DAAM2: variants seen among roughly 807,000 people sequenced by gnomAD.
The protein encoded by DAAM2 is disheveled-associated activator of morphogenesis 2.
In DAAM2, 39 loss-of-function variants were observed where a neutral mutation model predicts 120.7. The observed-to-expected ratio is 0.32, with a 90% CI of 0.25 to 0.42. The LOEUF is 0.42. DAAM2 is among the 10% of genes least tolerant of loss of function. The pLI is 1.00. For missense variants in DAAM2, 1,283 were observed against 1,401.7 expected (o/e 0.92, Z 1.35); for synonymous variants, 488 against 524.9 (o/e 0.93, Z 0.96).
chr6:39,868,744 G>A (rs1025394294), intron 6 of DAAM2, 79 bp from the exon 7 acceptor site: 34 of 1,030,926 alleles, frequency 3.3e-5, no homozygotes, highest in African/African-American at 6.4e-5. Flanking sequence ...TAGTGGAGGC[G>A]ACAGGAGTAA....
intron 21 of DAAM2, 85 bp downstream of exon 21, chr6:39,897,367 TTGA>T: frequency 2.3e-6 from 2 of 863,884 alleles, no homozygotes; most frequent in Admixed American, 2.1e-5. Flanking sequence ...TACTCTGGGC[TTGA>T]TGATGGCTGG....
chr6:39,882,202 GGTGA>G (rs1176870835), intron 14 of DAAM2: 4 of 152,168 alleles, frequency 2.6e-5, no homozygotes, highest in African/African-American at 7.2e-5. Context: ...AGGGCGACGC[GGTGA>G]GTGTCAACAT....
chr6:39,795,708 G>A (rs1232235191), intron 1 of DAAM2, among the ~76,000 whole-genome samples: 1 of 152,142 alleles, frequency 6.6e-6, no homozygotes, highest in African/African-American at 2.4e-5. Flanking sequence ...GCTAGTGGGT[G>A]GAGTTTCTAG....
At chr6:39,859,165 A>G (rs1481648989) in intron 2 of DAAM2, among the ~76,000 whole-genome samples, 1 of 152,168 alleles carries the variant, frequency 6.6e-6, no homozygotes, top group Admixed American at 6.5e-5. Flanking sequence ...TCTACTGAAG[A>G]CTTGCGGGAG....
At chr6:39,894,196 T>C (rs1161180249) in intron 19 of DAAM2, among the ~76,000 whole-genome samples, 1 of 152,192 alleles carries the variant, frequency 6.6e-6, no homozygotes, top group African/African-American at 2.4e-5. Context: ...CAGAACTGCA[T>C]CTGGGCGTTT....
intron 1 of DAAM2, chr6:39,818,883 C>T (rs1018785530): frequency 4.6e-5 from 7 of 152,032 alleles, no homozygotes; most frequent in Admixed American, 6.6e-5. Flanking sequence ...GAGTGTGGGC[C>T]CTCATTTCCT....
At chr6:39,849,079 G>A (rs1179724811) in intron 1 of DAAM2, 1 of 152,160 alleles carries the variant, frequency 6.6e-6, no homozygotes, top group Non-Finnish European at 1.5e-5. Context: ...GTGTTTCTGT[G>A]GACTAAAAAT....
At chr6:39,867,332 CA>C in intron 5 of DAAM2, 177 bp from the exon 6 acceptor site, 1 of 612,358 alleles carries the variant, frequency 1.6e-6, no homozygotes, top group Non-Finnish European at 2.9e-6. Flanking sequence ...GCAAATAAGA[CA>C]CAAGTCTTTT....
At chr6:39,815,686 C>T (rs754831581) in intron 1 of DAAM2, among the ~76,000 whole-genome samples, 4 of 129,282 alleles carry the variant, frequency 3.1e-5, no homozygotes, top group Non-Finnish European at 5.1e-5. Context: ...ACACACACAC[C>T]GTTTACACAA....
intron 3 of DAAM2, chr6:39,861,391 A>T: frequency 2.8e-6 from 1 of 359,412 alleles, no homozygotes; most frequent in Non-Finnish European, 5.4e-6. Context: ...GGGGGCAGGG[A>T]TGTCCTCTTT....
At chr6:39,888,644 G>C (rs1371745001) in intron 16 of DAAM2, 35 bp from the exon 17 acceptor site, 6 of 1,597,378 alleles carry the variant, frequency 3.8e-6, no homozygotes, top group Non-Finnish European at 5.1e-6. Flanking sequence ...GAAGGTTTGA[G>C]GGCTGTCCTG....
chr6:39,864,477 T>C lies in DAAM2; in HGVS notation c.303T>C (p.Tyr101=), dbSNP rs756011613. Reference sequence around the variant, plus strand: ...AGCTGGCAACCAGCTGGCCTGACTATTACATCGACCGCATCAATTCCATGG... The same window carrying C: ...AGCTGGCAACCAGCTGGCCTGACTACTACATCGACCGCATCAATTCCATGG... ...PNKLATSWPD[Y]YIDRINSMAA... Residue 101 remains tyrosine, a synonymous_variant, in exon 4 of 25, where the codon TAT becomes TAC. Transcript: ENST00000274867. The C allele has an allele frequency of 1.9e-6, 3 of 1,612,620 alleles. No homozygotes were observed. The highest frequency in any genetic ancestry group is 4.5e-5 in the East Asian group (2 of 44,884).
intron 10 of DAAM2, 104 bp downstream of exon 10, chr6:39,873,459 T>C (rs1249896768): frequency 1.3e-5 from 10 of 770,390 alleles, no homozygotes; most frequent in Non-Finnish European, 2.3e-5. Context: ...AGTCTGACCA[T>C]GTCTCCCTGT....
intron 1 of DAAM2, among the ~76,000 whole-genome samples, chr6:39,826,794 T>A (rs576092826): frequency 6.6e-6 from 1 of 152,198 alleles, no homozygotes; most frequent in Non-Finnish European, 1.5e-5. Context: ...TTTCTGTAAC[T>A]TCAACTTGGC....
chr6:39,892,759 G>C (rs1765811102), intron 19 of DAAM2, among the ~76,000 whole-genome samples: 1 of 152,184 alleles, frequency 6.6e-6, no homozygotes. Flanking sequence ...CCAGTCCAGA[G>C]AGCAACCCTT....
At chr6:39,845,444 C>T (rs553683222) in intron 1 of DAAM2, among the ~76,000 whole-genome samples, 12 of 36,234 alleles carry the variant, frequency 3.3e-4, no homozygotes, top group South Asian at 2.3e-3. Context: ...ACACACCGCA[C>T]ACATACCACA....
In DAAM2 at chr6:39,794,077, A is replaced by G. The variant is rs571160711; in HGVS notation, c.-57+1612A>G. On this transcript the variant is annotated intron_variant, in intron 1 of 24. Transcript: ENST00000274867. Reference sequence around the variant, plus strand: ...AGGGAAGCTCCATAAAAGATGGAGCAGGCAGCAATGTCAGAAACAGACTCA... The same window carrying G: ...AGGGAAGCTCCATAAAAGATGGAGCGGGCAGCAATGTCAGAAACAGACTCA... Among the ~76,000 whole-genome samples the G allele has an allele frequency of 2.0e-5, 3 of 152,350 alleles. No homozygotes were observed. The South Asian group carries it at 6.2e-4, about 32-fold the overall frequency.
At chr6:39,834,908 C>T (rs1009621985) in intron 1 of DAAM2, among the ~76,000 whole-genome samples, 4 of 152,162 alleles carry the variant, frequency 2.6e-5, no homozygotes, top group Non-Finnish European at 5.9e-5. Context: ...CTCATTTTCC[C>T]TTAAGACTGA....
chr6:39,857,242 A>G (rs988195017), intron 2 of DAAM2, among the ~76,000 whole-genome samples: 1 of 152,218 alleles, frequency 6.6e-6, no homozygotes, highest in Non-Finnish European at 1.5e-5. Flanking sequence ...CCTGGTAAAG[A>G]GCCATAAGTA....
Sources: allele counts gnomAD v4.1 joint callset (sites outside exome capture counted in the v4.1 genomes callset), GRCh38; gene constraint gnomAD v4.1.1; transcripts MANE v1.5; gene names NCBI Gene and HGNC (gene_info 2026-07-23, HGNC 2026-07-21).